The following NAV2 variants were observed in gnomAD, a reference collection of about 807,000 sequenced individuals.
NAV2 encodes neuron navigator 2.
Under a neutral mutation model 223.2 loss-of-function variants are expected in NAV2, and 54 were observed. That is an observed-to-expected ratio of 0.24 (90% CI 0.19 to 0.30). The LOEUF (loss-of-function observed/expected upper bound fraction) is 0.30. Ranked by LOEUF, NAV2 falls within the 10% of genes least tolerant of loss-of-function variation. The probability of loss-of-function intolerance (pLI) is 1.00; values close to 1 mark genes in which losing one functional copy is unlikely to be tolerated. For missense variants in NAV2, 2,806 were observed against 3,147.5 expected (o/e 0.89, Z 2.60); for synonymous variants, 1,279 against 1,239.3 (o/e 1.03, Z -0.67).
At chr11:19,576,721 G>A (rs971712589) in intron 1 of NAV2, among the ~76,000 whole-genome samples, 5 of 152,172 alleles carry the variant, frequency 3.3e-5, no homozygotes, top group African/African-American at 1.2e-4. Context: ...TCCTTTTCAC[G>A]TGAATAACAT....
upstream of NAV2, among the ~76,000 whole-genome samples, chr11:19,709,360 G>A (rs1465659299): frequency 1.3e-5 from 2 of 151,972 alleles, no homozygotes; most frequent in Admixed American, 6.5e-5. Context: ...GGCTAACATG[G>A]TGGAACCCCG....
chr11:19,969,224 G>A (rs2049022553), intron 10 of NAV2, among the ~76,000 whole-genome samples: 1 of 152,192 alleles, frequency 6.6e-6, no homozygotes, highest in African/African-American at 2.4e-5. Context: ...ATTTGGCCAT[G>A]GAGAAATGAA....
At chr11:19,386,087 C>T (rs548635250) in intron 1 of NAV2, among the ~76,000 whole-genome samples, 1 of 152,278 alleles carries the variant, frequency 6.6e-6, no homozygotes, top group South Asian at 2.1e-4. Flanking sequence ...TTTTTGACCC[C>T]TCAATGTAAA....
intron 1 of NAV2, among the ~76,000 whole-genome samples, chr11:19,529,019 G>A (rs1357458099): frequency 6.6e-6 from 1 of 151,384 alleles, no homozygotes; most frequent in Non-Finnish European, 1.5e-5. Flanking sequence ...TGAACATCCA[G>A]CACCATTATT....
Position 19,602,428 on chromosome 11 carries a change from G to A in NAV2, c.76-230056G>A, listed in dbSNP as rs145923807. On this transcript the variant is annotated intron_variant, in intron 1 of 37. Transcript: ENST00000360655. ...CCTGACCTCATGATCTTCCTGCTTC[G>A]GCCTCCCAAAGTGCTGGGATGACAG... Among the ~76,000 whole-genome samples, 1,454 of 152,044 alleles carry A rather than the reference G, an allele frequency of 9.6e-3. 15 individuals are homozygous for A. The highest frequency in any genetic ancestry group is 0.023 in the African/African-American group (962 of 41,446).
At chr11:20,040,047 G>C (rs1461703929) in intron 12 of NAV2, among the ~76,000 whole-genome samples, 1 of 152,220 alleles carries the variant, frequency 6.6e-6, no homozygotes, top group Non-Finnish European at 1.5e-5. Flanking sequence ...AACACAGCCT[G>C]AGAGGATAAG....
At chr11:19,631,691 G>A (rs779829449) in intron 1 of NAV2, among the ~76,000 whole-genome samples, 2 of 152,126 alleles carry the variant, frequency 1.3e-5, no homozygotes, top group Non-Finnish European at 2.9e-5. Context: ...GCAAACCCCC[G>A]GCACTGAGTG....
At chr11:19,855,766 C>G (rs942529047) in intron 3 of NAV2, among the ~76,000 whole-genome samples, 9 of 152,200 alleles carry the variant, frequency 5.9e-5, no homozygotes, top group Non-Finnish European at 1.3e-4. Context: ...GAAACCCTAA[C>G]CAGAGCAAAG....
chr11:19,376,736 C>T (rs1848654029), intron 1 of NAV2, among the ~76,000 whole-genome samples: 1 of 152,168 alleles, frequency 6.6e-6, no homozygotes, highest in Non-Finnish European at 1.5e-5. Flanking sequence ...AACAAGTGCT[C>T]AGACATTAGC....
rs144734955 is a variant in NAV2, at chr11:20,093,796, G to A, written c.5916+597G>A. On this transcript the variant is annotated intron_variant, in intron 29 of 37. Coordinates refer to ENST00000349880, the MANE Select transcript of NAV2 (RefSeq NM_145117.5). ...AGGAACTTCCAGAGTCTATACCACT[G>A]CCAGAGACTATTTTGGGATGGGGGC... Among the ~76,000 whole-genome samples, 1,238 of 152,230 alleles carry A rather than the reference G, an allele frequency of 8.1e-3. 8 individuals carry two copies. The highest frequency in any genetic ancestry group is 0.013 in the Non-Finnish European group (914 of 68,020).
At chr11:19,732,978 C>G (rs1041107410) in intron 1 of NAV2, among the ~76,000 whole-genome samples, 1 of 152,192 alleles carries the variant, frequency 6.6e-6, no homozygotes, top group Non-Finnish European at 1.5e-5. Context: ...GGCATGGATG[C>G]TAGTTTTATT....
chr11:19,615,732 T>C (rs1204956798), intron 1 of NAV2, among the ~76,000 whole-genome samples: 2 of 152,186 alleles, frequency 1.3e-5, no homozygotes, highest in African/African-American at 2.4e-5. Context: ...ACCAGAGGAA[T>C]TGTGAGCTTA....
intron 1 of NAV2, among the ~76,000 whole-genome samples, chr11:19,399,910 A>C (rs1223934492): frequency 1.3e-5 from 2 of 152,216 alleles, no homozygotes; most frequent in African/African-American, 4.8e-5. Flanking sequence ...GCCTGGGGTC[A>C]GATGGGCTTC....
At chr11:19,689,434 G>T (rs1280297796) in intron 1 of NAV2, among the ~76,000 whole-genome samples, 2 of 152,204 alleles carry the variant, frequency 1.3e-5, no homozygotes, top group Non-Finnish European at 2.9e-5. Context: ...AGGACTCAGG[G>T]CAAAGACATC....
intron 10 of NAV2, among the ~76,000 whole-genome samples, chr11:19,977,802 T>TTC (rs2049903532): frequency 7.1e-6 from 1 of 141,492 alleles, no homozygotes; most frequent in African/African-American, 2.6e-5. Flanking sequence ...TTTTTTCTTT[T>TTC]TTTTTTTTTT....
intron 10 of NAV2, among the ~76,000 whole-genome samples, chr11:19,962,381 G>GTA (rs2048414591): frequency 6.6e-6 from 1 of 151,998 alleles, no homozygotes; most frequent in Non-Finnish European, 1.5e-5. Context: ...AAATATCTGG[G>GTA]TATTGTGGCC....
rs2057719594 is a variant in NAV2 at position 20,048,947 on chromosome 11, C to T, written c.4122C>T (p.Ala1374=). The change falls in exon 15 of 38, where the codon GCC becomes GCT. Residue 1374 remains alanine, a synonymous_variant. Coordinates refer to ENST00000349880, the MANE Select transcript of NAV2 (RefSeq NM_145117.5). The part of the protein sequence containing the change: ...QSPLASSPSS[A]HSAPSNSLTW... ...CGCTAGCCTCCAGCCCCAGCTCAGC[C>T]CACTCGGCCCCTTCCAACAGCCTCA... 1.2e-6 allele frequency: 2 copies of T among 1,614,152 alleles called. No individual in the cohort carries two copies. The highest frequency in any genetic ancestry group is 1.7e-6 in the Non-Finnish European group (2 of 1,180,020).
chr11:19,785,156 A>C (rs572883613), intron 1 of NAV2, among the ~76,000 whole-genome samples: 1 of 152,344 alleles, frequency 6.6e-6, no homozygotes, highest in East Asian at 1.9e-4. Context: ...AGTAGAGTCC[A>C]GGACTAAGAA....
At chr11:19,952,153 CT>C (rs1347131710) in intron 10 of NAV2, among the ~76,000 whole-genome samples, 1 of 152,208 alleles carries the variant, frequency 6.6e-6, no homozygotes, top group Non-Finnish European at 1.5e-5. Context: ...TTCCTATAAA[CT>C]GGCAAGGTTG....
Sources: gnomAD v4.1 joint callset for allele counts (sites outside exome capture counted in the v4.1 genomes callset) on GRCh38, gnomAD v4.1.1 for gene constraint, MANE v1.5 for transcripts, NCBI Gene and HGNC (gene_info 2026-07-23, HGNC 2026-07-21) for gene names.